ESRRG: variants seen among roughly 807,000 people sequenced by gnomAD.
ESRRG encodes estrogen-related receptor gamma.
Under a neutral mutation model 44.0 loss-of-function variants are expected in ESRRG, and 13 were observed. That is an observed-to-expected ratio of 0.30 (90% CI 0.19 to 0.47). The LOEUF (loss-of-function observed/expected upper bound fraction) is 0.47. Ranked by LOEUF, ESRRG falls within the 20% of genes least tolerant of loss-of-function variation. The probability of loss-of-function intolerance (pLI) is 1.00; values close to 1 mark genes in which losing one functional copy is unlikely to be tolerated. For missense variants in ESRRG, 395 were observed against 580.6 expected (o/e 0.68, Z 3.29); for synonymous variants, 215 against 214.6 (o/e 1.00, Z -0.02).
intron 3 of ESRRG, among the ~76,000 whole-genome samples, chr1:216,590,961 A>G (rs1169908004): frequency 6.6e-6 from 1 of 152,206 alleles, no homozygotes; most frequent in Non-Finnish European, 1.5e-5. Context: ...ATACAAACAA[A>G]CAACAACTGT....
At chr1:216,783,782 G>C (rs539267340) in intron 2 of ESRRG, among the ~76,000 whole-genome samples, 2 of 151,992 alleles carry the variant, frequency 1.3e-5, no homozygotes, top group East Asian at 3.9e-4. Context: ...CTTCCCATAG[G>C]ACTCCTACTT....
chr1:217,077,952 A>G (rs1438432172), intron 1 of ESRRG, among the ~76,000 whole-genome samples: 2 of 152,240 alleles, frequency 1.3e-5, no homozygotes, highest in African/African-American at 4.8e-5. Flanking sequence ...CTAACATATT[A>G]CAACCCCATC....
In ESRRG at chr1:216,896,700, T is replaced by C. The variant is rs144094338; in HGVS notation, c.-14+42882A>G. Among the ~76,000 whole-genome samples the C allele has an allele frequency of 1.9e-3, 285 of 152,316 alleles. 1 individual carries two copies. The highest frequency in any genetic ancestry group is 6.7e-3 in the African/African-American group (279 of 41,572). On this transcript the variant is annotated intron_variant, in intron 2 of 7. Coordinates refer to the ESRRG transcript ENST00000359162. ...CAGTTTCTGCACTTTCATGGTTGAT[T>C]AGAGCTGTTTAATGCAAATACACTT...
At chr1:216,537,701 A>G (rs2051406505) in intron 5 of ESRRG, among the ~76,000 whole-genome samples, 1 of 152,106 alleles carries the variant, frequency 6.6e-6, no homozygotes, top group South Asian at 2.1e-4. Context: ...CTGACTAGGT[A>G]TGGGATAGGA....
chr1:216,716,687 C>A (rs1376731451), intron 1 of ESRRG, among the ~76,000 whole-genome samples: 1 of 151,846 alleles, frequency 6.6e-6, no homozygotes, highest in Non-Finnish European at 1.5e-5. Flanking sequence ...TATAAATGTA[C>A]TTTTCAGTTC....
intron 1 of ESRRG, among the ~76,000 whole-genome samples, chr1:217,039,720 A>G (rs138285517): frequency 7.2e-5 from 11 of 152,294 alleles, no homozygotes; most frequent in African/African-American, 2.6e-4. Context: ...CCTTTAAAGC[A>G]CTTAAATTAA....
intron 2 of ESRRG, among the ~76,000 whole-genome samples, chr1:216,786,557 T>C (rs940547149): frequency 1.3e-5 from 2 of 152,080 alleles, no homozygotes; most frequent in African/African-American, 2.4e-5. Context: ...CACAAACTCC[T>C]ACATAAGATA....
chr1:216,607,991 C>T (rs1489874121), intron 3 of ESRRG, among the ~76,000 whole-genome samples: 35 of 152,164 alleles, frequency 2.3e-4, no homozygotes, highest in Admixed American at 2.2e-3. Context: ...GTACTAATGT[C>T]ATTTGAAAAT....
chr1:216,604,822 C>T (rs935151215), intron 3 of ESRRG, among the ~76,000 whole-genome samples: 1 of 152,186 alleles, frequency 6.6e-6, no homozygotes. Context: ...TCTAAACATG[C>T]ATTCTTGACC....
intron 1 of ESRRG, among the ~76,000 whole-genome samples, chr1:217,034,282 T>C (rs989777845): frequency 6.6e-6 from 1 of 152,210 alleles, no homozygotes; most frequent in African/African-American, 2.4e-5. Context: ...GGGATCTCTT[T>C]GGCTTCTACA....
intron 1 of ESRRG, among the ~76,000 whole-genome samples, chr1:217,049,935 C>A (rs981694509): frequency 9.9e-5 from 15 of 152,202 alleles, no homozygotes; most frequent in African/African-American, 3.6e-4. Flanking sequence ...AGCTCTGAGA[C>A]ACAGATGCCA....
At chr1:217,067,398 C>T (rs976728399) in intron 1 of ESRRG, among the ~76,000 whole-genome samples, 1 of 114,698 alleles carries the variant, frequency 8.7e-6, no homozygotes, top group African/African-American at 3.0e-5. Flanking sequence ...AAGCATGTAT[C>T]CTTCAACTGA....
At chr1:216,594,636 G>C in intron 3 of ESRRG, among the ~76,000 whole-genome samples, 1 of 152,286 alleles carries the variant, frequency 6.6e-6, no homozygotes, top group South Asian at 2.1e-4. Flanking sequence ...AATGGTTTGA[G>C]TTTGAATCAC....
intron 1 of ESRRG, among the ~76,000 whole-genome samples, chr1:216,691,280 G>GAA (rs146770343): frequency 2.8e-3 from 422 of 152,228 alleles, no homozygotes; most frequent in African/African-American, 9.6e-3. Flanking sequence ...TAAGCTATAA[G>GAA]TATATACATA....
At chr1:216,699,062 A>C (rs1235433707) in intron 1 of ESRRG, among the ~76,000 whole-genome samples, 3 of 152,194 alleles carry the variant, frequency 2.0e-5, no homozygotes, top group Admixed American at 6.5e-5. Flanking sequence ...CAGCACGTAC[A>C]TAAGGTCATC....
rs549248435 is a variant in ESRRG, at chr1:216,700,856, G to A, written c.56+22388C>T. 1.5e-4 allele frequency among the ~76,000 whole-genome samples: 23 copies of A among 152,254 alleles called. No homozygotes were observed. The East Asian group carries it at 4.4e-3, about 29-fold the overall frequency. ...CTAGGCAGAGAAGAAACCAGTGAGT[G>A]GTTAGGTTTCTGTCTTTACTTTGCT... On this transcript the variant is annotated intron_variant, in intron 1 of 6. Coordinates refer to ENST00000408911, the MANE Select transcript of ESRRG (RefSeq NM_001438.4).
intron 1 of ESRRG, among the ~76,000 whole-genome samples, chr1:216,986,446 G>A (rs369104050): frequency 3.0e-4 from 45 of 152,192 alleles, no homozygotes; most frequent in Non-Finnish European, 4.7e-4. Context: ...CGGCATGGTG[G>A]CTCATGCCTC....
intron 5 of ESRRG, among the ~76,000 whole-genome samples, chr1:216,520,260 G>C (rs12087167): frequency 1.3e-5 from 2 of 151,826 alleles, no homozygotes; most frequent in Admixed American, 6.6e-5. Flanking sequence ...CTTAAATTTC[G>C]TATTTGGGAA....
At chr1:216,812,258 T>C (rs2148483128) in intron 2 of ESRRG, among the ~76,000 whole-genome samples, 1 of 152,334 alleles carries the variant, frequency 6.6e-6, no homozygotes, top group African/African-American at 2.4e-5. Context: ...GTTTTTAACA[T>C]ATTTCTTTAA....
Sources: allele counts gnomAD v4.1 joint callset (sites outside exome capture counted in the v4.1 genomes callset), GRCh38; gene constraint gnomAD v4.1.1; transcripts MANE v1.5; gene names NCBI Gene and HGNC (gene_info 2026-07-23, HGNC 2026-07-21).